Variants in AKAP19 observed in about 807,000 individuals in gnomAD.
The protein encoded by AKAP19 is A-kinase anchoring protein 19.
At chr2:190,197,572 C>A in the AKAP19 span, among the ~76,000 whole-genome samples, 2 of 152,120 alleles carry the variant, frequency 1.3e-5, no homozygotes, top group African/African-American at 4.8e-5. This position sits in a 1 kb window ranked among gnomAD's most constrained non-coding sequence, Gnocchi z 4.0. Context: ...AGAGTTGCCA[C>A]TCTCTGACTC....
At chr2:189,982,348 A>T in the AKAP19 span, among the ~76,000 whole-genome samples, 1 of 152,002 alleles carries the variant, frequency 6.6e-6, no homozygotes, top group Non-Finnish European at 1.5e-5. Context: ...CAATTCCAGA[A>T]GTTTTCTTTG....
At chr2:189,991,776 C>A in the AKAP19 span, among the ~76,000 whole-genome samples, 2 of 152,236 alleles carry the variant, frequency 1.3e-5, no homozygotes, top group East Asian at 1.9e-4. Context: ...TTGCCTAAGC[C>A]AATGTCTAGA....
the AKAP19 span, among the ~76,000 whole-genome samples, chr2:190,004,667 C>A: frequency 3.3e-5 from 5 of 151,666 alleles, no homozygotes; most frequent in Non-Finnish European, 7.4e-5. Context: ...TCATTATAAT[C>A]ATTTTGAGTT....
chr2:190,058,449 T>C, the AKAP19 span, among the ~76,000 whole-genome samples: 1 of 152,014 alleles, frequency 6.6e-6, no homozygotes, highest in Admixed American at 6.6e-5. Context: ...TTTAAGACTG[T>C]CAAAAATAAT....
the AKAP19 span, among the ~76,000 whole-genome samples, chr2:190,086,631 C>T: frequency 6.6e-6 from 1 of 152,304 alleles, no homozygotes; most frequent in East Asian, 1.9e-4. Flanking sequence ...ATTTATCAGT[C>T]AGAGTGACCT....
the AKAP19 span, among the ~76,000 whole-genome samples, chr2:190,172,532 T>G: frequency 6.6e-6 from 1 of 152,206 alleles, no homozygotes; most frequent in Non-Finnish European, 1.5e-5. Flanking sequence ...CCCATCATTT[T>G]TTCAAATCTC....
At chr2:190,168,582 A>G in the AKAP19 span, among the ~76,000 whole-genome samples, 1 of 152,134 alleles carries the variant, frequency 6.6e-6, no homozygotes, top group Non-Finnish European at 1.5e-5. Flanking sequence ...TGCTTCCCTC[A>G]TAAAACTGAA....
the AKAP19 span, among the ~76,000 whole-genome samples, chr2:189,914,268 C>G: frequency 1.3e-5 from 2 of 152,148 alleles, no homozygotes; most frequent in Admixed American, 6.5e-5. Context: ...TAAAGTGTTT[C>G]ATAATGTAGT....
At chr2:189,889,989 C>T in the AKAP19 span, among the ~76,000 whole-genome samples, 7 of 152,184 alleles carry the variant, frequency 4.6e-5, no homozygotes, top group African/African-American at 1.7e-4. Context: ...TTTGCTCTTG[C>T]TTCTCTAGTT....
chr2:189,936,848 C>T, the AKAP19 span, among the ~76,000 whole-genome samples: 122 of 152,230 alleles, frequency 8.0e-4, no homozygotes, highest in Middle Eastern at 0.01. Flanking sequence ...AACTGGGCCA[C>T]GCACAATGCC....
chr2:189,973,640 T>C, the AKAP19 span, among the ~76,000 whole-genome samples: 1 of 152,198 alleles, frequency 6.6e-6, no homozygotes, highest in Non-Finnish European at 1.5e-5. Flanking sequence ...GGTAGGCTAT[T>C]AAGTATTGCC....
At chr2:190,038,901 T>TTCTTCTTCTTCTTCTTCTTCTTCTTC in the AKAP19 span, among the ~76,000 whole-genome samples, 1 of 46,024 alleles carries the variant, frequency 2.2e-5, no homozygotes, top group Non-Finnish European at 4.6e-5. Flanking sequence ...TCTTTCTTTC[T>TTCTTCTTCTTCTTCTTCTTCTTCTTC]TTCTTCTTCT....
the AKAP19 span, among the ~76,000 whole-genome samples, chr2:189,956,169 T>TTTTCTTTC: frequency 0.061 from 123 of 2,008 alleles, 1 homozygote; most frequent in Middle Eastern, 0.17. Flanking sequence ...GTATATTTTC[T>TTTTCTTTC]TTTTTTTCTT....
chr2:190,182,979 A>G, the AKAP19 span, among the ~76,000 whole-genome samples: 1 of 152,174 alleles, frequency 6.6e-6, no homozygotes, highest in Non-Finnish European at 1.5e-5. Flanking sequence ...TGTTAATTCT[A>G]CTTTTCAGTT....
At chr2:189,981,190 A>G in the AKAP19 span, among the ~76,000 whole-genome samples, 1 of 151,742 alleles carries the variant, frequency 6.6e-6, no homozygotes, top group Non-Finnish European at 1.5e-5. Context: ...TGGATGCTCC[A>G]ATGTTGGGTG....
At chr2:189,952,187 C>T in the AKAP19 span, among the ~76,000 whole-genome samples, 1 of 152,150 alleles carries the variant, frequency 6.6e-6, no homozygotes, top group African/African-American at 2.4e-5. Context: ...CTTATGAGGG[C>T]TCCCATGCAT....
chr2:189,891,087 A>C, the AKAP19 span, among the ~76,000 whole-genome samples: 1 of 151,616 alleles, frequency 6.6e-6, no homozygotes, highest in East Asian at 1.9e-4. Context: ...TTCCTTCAGG[A>C]GCTCTTGTAA....
the AKAP19 span, chr2:190,180,715 G>A: frequency 2.5e-5 from 25 of 985,390 alleles, no homozygotes; most frequent in South Asian, 9.4e-5. The surrounding 1 kb of genome is among the most constrained non-coding windows in gnomAD (Gnocchi z 6.8). Flanking sequence ...GCTCCCAGAG[G>A]GCGCGCCCTG....
the AKAP19 span, chr2:190,180,834 G>C: frequency 1.0e-6 from 1 of 985,264 alleles, no homozygotes; most frequent in Non-Finnish European, 1.2e-6. This position sits in a 1 kb window ranked among gnomAD's most constrained non-coding sequence, Gnocchi z 6.8. Context: ...CCGGGAGCCC[G>C]GGCGCCGCCG....
Sources: allele counts gnomAD v4.1 joint callset (sites outside exome capture counted in the v4.1 genomes callset), GRCh38; gene constraint gnomAD v4.1.1; non-coding constraint Gnocchi (gnomAD v3.1); transcripts MANE v1.5; gene names NCBI Gene and HGNC (gene_info 2026-07-23, HGNC 2026-07-21).